The following SNTB1 variants were observed in gnomAD, a reference collection of about 807,000 sequenced individuals.
SNTB1 encodes the protein syntrophin beta 1.
In SNTB1, 36 loss-of-function variants were observed where a neutral mutation model predicts 48.9. That is an observed-to-expected ratio of 0.74 (90% confidence interval 0.56 to 0.97). The LOEUF (loss-of-function observed/expected upper bound fraction) is 0.97. SNTB1 is among the 50% of genes least tolerant of loss of function. SNTB1 has a pLI of 0.00. For missense variants in SNTB1, 786 were observed against 703.4 expected (o/e 1.12, Z -1.33); for synonymous variants, 299 against 294.6 (o/e 1.01, Z -0.15).
rs1815426494 is a variant in SNTB1 at position 120,548,773 on chromosome 8, T to C, written c.1322A>G (p.Glu441Gly). ...GCHNSAELIAEISTACTYKNQ... is the reference protein window; with the variant it reads ...GCHNSAELIAGISTACTYKNQ... Reference sequence around the variant, plus strand: ...ACTGCAGTACTCACCAGTGCTGATTTCAGCAATGAGTTCAGCAGAATTGTG... The same window carrying C: ...ACTGCAGTACTCACCAGTGCTGATTCCAGCAATGAGTTCAGCAGAATTGTG... Residue 441 changes from glutamate (E) to glycine (G), a missense_variant, in exon 5 of 7, where the codon GAA (glutamate) becomes GGA (glycine). Glu to Gly is a moderately conservative substitution (Grantham distance 98). Coordinates refer to ENST00000517992, the MANE Select transcript of SNTB1 (RefSeq NM_021021.4). The C allele has an allele frequency of 6.2e-7, 1 of 1,613,916 alleles. No individual in the cohort carries two copies. The highest frequency in any genetic ancestry group is 1.7e-5 in the Admixed American group (1 of 60,000).
intron 2 of SNTB1, among the ~76,000 whole-genome samples, chr8:120,646,094 A>G (rs1348903246): frequency 6.8e-6 from 1 of 147,380 alleles, no homozygotes; most frequent in Non-Finnish European, 1.5e-5. Context: ...TAGATATACA[A>G]TCATGTCGTC....
At chr8:120,551,917 T>C (rs893331888) in intron 4 of SNTB1, among the ~76,000 whole-genome samples, 1 of 152,088 alleles carries the variant, frequency 6.6e-6, no homozygotes, top group Non-Finnish European at 1.5e-5. Context: ...ACAGAGCACT[T>C]TGTTCAGTAT....
intron 3 of SNTB1, among the ~76,000 whole-genome samples, chr8:120,587,853 G>T (rs142500317): frequency 6.6e-6 from 1 of 152,028 alleles, no homozygotes; most frequent in Non-Finnish European, 1.5e-5. Context: ...ATGTGGTGGG[G>T]GAAGCTATTT....
chr8:120,650,931 A>G (rs1033233059), intron 2 of SNTB1, among the ~76,000 whole-genome samples: 5 of 152,144 alleles, frequency 3.3e-5, no homozygotes, highest in Admixed American at 1.3e-4. Context: ...TTTATGACTT[A>G]TTGGCTGTGA....
chr8:120,722,352 A>G (rs1010408069), intron 1 of SNTB1, among the ~76,000 whole-genome samples: 23 of 152,094 alleles, frequency 1.5e-4, no homozygotes, highest in Non-Finnish European at 2.6e-4. Context: ...ACTAGTTTAC[A>G]CTCCCATCAA....
chr8:120,566,077 T>C (rs1030024053), intron 4 of SNTB1, among the ~76,000 whole-genome samples: 1 of 152,112 alleles, frequency 6.6e-6, no homozygotes, highest in Non-Finnish European at 1.5e-5. Context: ...CTGTGTTAAA[T>C]ACAAAATTAG....
At chr8:120,564,564 G>GT (rs71306893) in intron 4 of SNTB1, among the ~76,000 whole-genome samples, 2,435 of 84,118 alleles carry the variant, frequency 0.029, 224 homozygotes, top group African/African-American at 0.098. Context: ...TATTATTCTG[G>GT]TTTTTTTTTT....
intron 3 of SNTB1, among the ~76,000 whole-genome samples, chr8:120,616,891 C>T (rs1443409973): frequency 6.6e-6 from 1 of 152,176 alleles, no homozygotes; most frequent in African/African-American, 2.4e-5. Context: ...CTGAAGATGC[C>T]TGTGCTCCTC....
At chr8:120,671,021 TTTGA>T (rs1258071094) in intron 2 of SNTB1, among the ~76,000 whole-genome samples, 1 of 152,234 alleles carries the variant, frequency 6.6e-6, no homozygotes, top group African/African-American at 2.4e-5. Context: ...TTTGCCTTTG[TTTGA>T]TTATTTCAAA....
intron 1 of SNTB1, among the ~76,000 whole-genome samples, chr8:120,755,586 A>G (rs1046478167): frequency 6.6e-6 from 1 of 152,182 alleles, no homozygotes; most frequent in Non-Finnish European, 1.5e-5. Context: ...AACTCATAAG[A>G]CGAGGAACTT....
At chr8:120,705,089 G>A (rs1298988100) in intron 1 of SNTB1, among the ~76,000 whole-genome samples, 1 of 152,196 alleles carries the variant, frequency 6.6e-6, no homozygotes, top group Non-Finnish European at 1.5e-5. Context: ...TTAAATGAGG[G>A]TAAAGCAAAT....
In SNTB1 at chr8:120,693,784, C is replaced by A. The variant is rs758220895; in HGVS notation, c.696G>T (p.Ser232=). 2 of 1,613,934 alleles carry A rather than the reference C, an allele frequency of 1.2e-6. No individual in the cohort carries two copies. ...GGTCTCTGTGGAAGGAGAAGGACTG[C>A]GATGACGGGGGGTCTGAGGTGCTGC... ...LGGSTSDPPS[S]QSFSFHRDRK... is the part of the protein sequence containing the mutation. Residue 232 remains serine, a synonymous_variant, in exon 2 of 7, where the codon TCG becomes TCT. Coordinates refer to ENST00000517992, the MANE Select transcript of SNTB1 (RefSeq NM_021021.4).
intron 1 of SNTB1, among the ~76,000 whole-genome samples, chr8:120,791,165 A>G (rs886861617): frequency 6.6e-6 from 1 of 151,918 alleles, no homozygotes; most frequent in African/African-American, 2.4e-5. Context: ...AAATACAACC[A>G]ACTGGGCTTC....
Position 120,689,217 on chromosome 8 carries a change from G to A in SNTB1, c.788+4475C>T, listed in dbSNP as rs540010236. On this transcript the variant is annotated intron_variant, in intron 2 of 6. Coordinates refer to ENST00000517992, the MANE Select transcript of SNTB1 (RefSeq NM_021021.4). ...TTAGAGTTTTTAATGCAGACTACAG[G>A]CACCTGTGTGTCACCAACTGAGGGG... 1.6e-3 allele frequency among the ~76,000 whole-genome samples: 241 copies of A among 152,276 alleles called. 1 individual carries two copies. Among genetic ancestry groups the A allele is most frequent in the African/African-American group, 5.5e-3 (228 of 41,556 alleles).
Position 120,811,799 on chromosome 8 carries a change from C to A in SNTB1, c.45G>T (p.Ala15=), listed in dbSNP as rs753548208. The change falls in exon 1 of 7, where the codon GCG becomes GCT. Residue 15 remains alanine (A), a synonymous_variant. Coordinates refer to ENST00000517992, the MANE Select transcript of SNTB1 (RefSeq NM_021021.4). ...CGCTCCGCTGCGCCCGGCCGCCTCCCGCGCCAGCCGGCCCAGCCGCCGCCG... is the reference window on the plus strand; with the variant it reads ...CGCTCCGCTGCGCCCGGCCGCCTCCAGCGCCAGCCGGCCCAGCCGCCGCCG... ...AAAAAAGPAG[A]GGGRAQRSGL... is the part of the protein sequence containing the mutation. The A allele has an allele frequency of 1.4e-6, 2 of 1,411,408 alleles. No individual in the cohort carries two copies. Among genetic ancestry groups the A allele is most frequent in the East Asian group, 5.8e-5 (2 of 34,236 alleles). 87.4% of individuals were successfully genotyped at this position (1,411,408 alleles called of 1,614,324 possible).
chr8:120,743,061 C>G (rs1819067497), intron 1 of SNTB1, among the ~76,000 whole-genome samples: 1 of 152,170 alleles, frequency 6.6e-6, no homozygotes, highest in Non-Finnish European at 1.5e-5. Flanking sequence ...CTGCAGGGAG[C>G]TCTCTGGAGG....
intron 3 of SNTB1, among the ~76,000 whole-genome samples, chr8:120,592,111 A>C (rs1272401027): frequency 6.6e-6 from 1 of 152,238 alleles, no homozygotes; most frequent in Non-Finnish European, 1.5e-5. Flanking sequence ...AAAAGTATGA[A>C]AAAGGCTAAA....
At chr8:120,697,016 G>T (rs1362236550) in intron 1 of SNTB1, among the ~76,000 whole-genome samples, 2 of 152,182 alleles carry the variant, frequency 1.3e-5, no homozygotes, top group African/African-American at 2.4e-5. Flanking sequence ...TAAGAGAAAG[G>T]ATTAGAAGTA....
At chr8:120,743,176 C>T (rs756527759) in intron 1 of SNTB1, among the ~76,000 whole-genome samples, 7 of 152,048 alleles carry the variant, frequency 4.6e-5, no homozygotes, top group Non-Finnish European at 8.8e-5. Context: ...TCAATTGTTC[C>T]ACAAGGAAAC....
Sources: gnomAD v4.1 joint callset for allele counts (sites outside exome capture counted in the v4.1 genomes callset) on GRCh38, gnomAD v4.1.1 for gene constraint, MANE v1.5 for transcripts, NCBI Gene and HGNC (gene_info 2026-07-23, HGNC 2026-07-21) for gene names.